Variants in ATXN7 observed in about 807,000 individuals in gnomAD.
ATXN7 encodes ataxin 7.
Under a neutral mutation model 70.5 loss-of-function variants are expected in ATXN7, and 12 were observed. The observed-to-expected ratio is 0.17, with a 90% CI of 0.11 to 0.28. The LOEUF (loss-of-function observed/expected upper bound fraction) is 0.28, where lower values mean the gene tolerates loss of function less well. ATXN7 is among the 10% of genes least tolerant of loss of function. The pLI, the probability that ATXN7 is intolerant of heterozygous loss-of-function variation, is 1.00. For synonymous variants in ATXN7, 498 were observed against 448.7 expected (o/e 1.11, Z -1.39); for missense variants, 1,256 against 1,131.7 (o/e 1.11, Z -1.58).
In ATXN7 at chr3:64,003,324, G is replaced by A. The variant is rs190922611; in HGVS notation, c.*3857G>A. The A allele has an allele frequency of 6.7e-6, 1 of 148,450 alleles. No homozygotes were observed. Among genetic ancestry groups the A allele is most frequent in the African/African-American group, 2.5e-5 (1 of 40,272 alleles). 9.2% of individuals were successfully genotyped at this position (148,450 alleles called of 1,614,324 possible). On this transcript the variant is annotated 3_prime_UTR_variant, in exon 13 of 13. Transcript: ENST00000674280. ...CAAGAGCATCTCAGCTGGACTTTGTGTTGGCTGCTGTATAGAACATGAACA... is the reference window on the plus strand; with the variant it reads ...CAAGAGCATCTCAGCTGGACTTTGTATTGGCTGCTGTATAGAACATGAACA...
At chr3:63,935,800 T>A (rs1331746702) in intron 4 of ATXN7, among the ~76,000 whole-genome samples, 9 of 151,946 alleles carry the variant, frequency 5.9e-5, no homozygotes. Context: ...CAGCAATGAG[T>A]TTGAGTGGTT....
chr3:63,896,274 C>G (rs982666624), intron 1 of ATXN7, among the ~76,000 whole-genome samples: 38 of 126,040 alleles, frequency 3.0e-4, no homozygotes, highest in African/African-American at 8.3e-4. Context: ...AACTGGCCAT[C>G]ATTTAAATAC....
Position 63,980,072 on chromosome 3 carries a change from C to G in ATXN7, c.657C>G (p.Ser219=). The G allele has an allele frequency of 1.2e-6, 2 of 1,614,146 alleles. No individual in the cohort carries two copies. Among genetic ancestry groups the G allele is most frequent in the Non-Finnish European group, 8.5e-7 (1 of 1,180,046 alleles). The part of the protein sequence containing the change: ...GGVLSASSSS[S]KLLKSPKEKL... The stretch of plus-strand genomic sequence containing the variant: ...TTCTTAGCGCATCCTCATCAAGTTC[C>G]AAGTTGTTGAAATCACCCAAAGAGA... Residue 219 remains serine, a synonymous_variant, in exon 6 of 13, where the codon TCC becomes TCG. Coordinates refer to ENST00000674280, the MANE Select transcript of ATXN7 (RefSeq NM_001377405.1).
chr3:63,878,092 TAGTAA>T lies in ATXN7; in HGVS notation c.-111+13935_-111+13939del, dbSNP rs763026082. Among the ~76,000 whole-genome samples the T allele has an allele frequency of 7.9e-5, 12 of 152,318 alleles. No homozygotes were observed. In the East Asian group the frequency reaches 1.9e-3, roughly 24 times the overall value. On this transcript the variant is annotated intron_variant, in intron 1 of 12. Coordinates refer to ENST00000674280, the MANE Select transcript of ATXN7 (RefSeq NM_001377405.1). ...GAAGGAAGGATGGCAGGCAGGTGGC[TAGTAA>T]TAGGAGATGGTTGGTTCTCTTCCTC...
chr3:63,977,114 G>A (rs953810902), intron 5 of ATXN7, among the ~76,000 whole-genome samples: 1 of 152,140 alleles, frequency 6.6e-6, no homozygotes, highest in African/African-American at 2.4e-5. Flanking sequence ...AGTTTGAGGG[G>A]TTGTGCATTT....
chr3:63,918,635 T>C (rs1318960198), intron 4 of ATXN7, among the ~76,000 whole-genome samples: 1 of 152,214 alleles, frequency 6.6e-6, no homozygotes, highest in African/African-American at 2.4e-5. Context: ...CTTCAACTTA[T>C]TTCCTGCAAA....
chr3:63,867,315 A>T (rs1031870064), intron 1 of ATXN7, among the ~76,000 whole-genome samples: 1 of 152,208 alleles, frequency 6.6e-6, no homozygotes, highest in African/African-American at 2.4e-5. Flanking sequence ...AATGGAAGTT[A>T]GAATTCTTTT....
At chr3:63,896,490 C>T (rs1409008568) in intron 1 of ATXN7, among the ~76,000 whole-genome samples, 1 of 152,088 alleles carries the variant, frequency 6.6e-6, no homozygotes, top group East Asian at 1.9e-4. Flanking sequence ...CACCAAAGGC[C>T]CGGATTCTAG....
At chr3:63,925,313 A>G (rs772798030) in intron 4 of ATXN7, among the ~76,000 whole-genome samples, 8 of 152,020 alleles carry the variant, frequency 5.3e-5, no homozygotes, top group Non-Finnish European at 8.8e-5. Flanking sequence ...GGGATCCCCA[A>G]CTTCTCGGCT....
chr3:63,912,646 G>C lies in ATXN7; in HGVS notation c.48G>C (p.Ala16=), dbSNP rs1340762710. 1.0e-5 allele frequency: 10 copies of C among 989,646 alleles called. No individual in the cohort carries two copies. In the South Asian group the frequency reaches 2.2e-4, roughly 22 times the overall value. 61.3% of individuals were successfully genotyped at this position (989,646 alleles called of 1,614,324 possible). ...ACGTCAGGGGGGAGCCGCGCCGCGCGGCGGCGGCGGCGGGCGGAGCAGCGG... is the reference window on the plus strand; with the variant it reads ...ACGTCAGGGGGGAGCCGCGCCGCGCCGCGGCGGCGGCGGGCGGAGCAGCGG... ...ADDVRGEPRR[A]AAAAGGAAAA... Residue 16 remains alanine, a synonymous_variant, in exon 3 of 13, where the codon GCG becomes GCC. Transcript: ENST00000674280.
chr3:63,884,202 C>T (rs1029123181), intron 1 of ATXN7, among the ~76,000 whole-genome samples: 17 of 38,222 alleles, frequency 4.4e-4, no homozygotes, highest in Admixed American at 2.0e-3. Flanking sequence ...AAATAACATG[C>T]GCACACACAC....
intron 4 of ATXN7, among the ~76,000 whole-genome samples, chr3:63,946,412 G>A (rs1376477477): frequency 6.6e-6 from 1 of 152,162 alleles, no homozygotes; most frequent in Non-Finnish European, 1.5e-5. Context: ...GGCTGAGGCA[G>A]GAGGATCACA....
chr3:63,921,357 G>C (rs1013779557), intron 4 of ATXN7, among the ~76,000 whole-genome samples: 1 of 152,128 alleles, frequency 6.6e-6, no homozygotes, highest in South Asian at 2.1e-4. Context: ...TGGTCCCCAG[G>C]CTTTATATTT....
At chr3:63,887,878 C>A (rs1415880260) in intron 1 of ATXN7, among the ~76,000 whole-genome samples, 1 of 147,572 alleles carries the variant, frequency 6.8e-6, no homozygotes, top group African/African-American at 2.5e-5. Flanking sequence ...CAGCCTCTGT[C>A]TTCTTTTTTT....
chr3:63,889,430 A>G (rs970003571), intron 1 of ATXN7, among the ~76,000 whole-genome samples: 3 of 152,216 alleles, frequency 2.0e-5, no homozygotes, highest in Admixed American at 1.3e-4. Flanking sequence ...ATGTCACAGA[A>G]TTGTGGAATG....
chr3:63,921,695 T>C (rs1040281892), intron 4 of ATXN7, among the ~76,000 whole-genome samples: 5 of 152,220 alleles, frequency 3.3e-5, no homozygotes, highest in African/African-American at 1.2e-4. Flanking sequence ...ACCCCAGTTC[T>C]AGAATTAAGC....
chr3:63,937,274 AGTTTCTGTTG>A (rs1326606126), intron 4 of ATXN7, among the ~76,000 whole-genome samples: 39 of 152,316 alleles, frequency 2.6e-4, no homozygotes, highest in African/African-American at 9.1e-4. Context: ...GGAAAAGAAT[AGTTTCTGTTG>A]GTTTCCATTT....
chr3:63,939,502 C>G lies in ATXN7; in HGVS notation c.395-12877C>G, dbSNP rs552318936. Among the ~76,000 whole-genome samples, 122 of 152,194 alleles carry G rather than the reference C, an allele frequency of 8.0e-4. 1 individual carries two copies. Among genetic ancestry groups the G allele is most frequent in the African/African-American group, 2.8e-3 (115 of 41,512 alleles). ...GATGATATTATCCTTCATTAAAATGCTTCTATTAAGCACTAACGAATGTCA... is the reference window on the plus strand; with the variant it reads ...GATGATATTATCCTTCATTAAAATGGTTCTATTAAGCACTAACGAATGTCA... On this transcript the variant is annotated intron_variant, in intron 4 of 12. Transcript: ENST00000674280.
intron 5 of ATXN7, among the ~76,000 whole-genome samples, chr3:63,970,329 T>TA (rs2106720749): frequency 6.6e-6 from 1 of 152,146 alleles, no homozygotes; most frequent in Admixed American, 6.5e-5. Context: ...TGCAGGAGCA[T>TA]AAAAAGGGCG....
Sources: gnomAD v4.1 joint callset for allele counts (sites outside exome capture counted in the v4.1 genomes callset) on GRCh38, gnomAD v4.1.1 for gene constraint, MANE v1.5 for transcripts, NCBI Gene and HGNC (gene_info 2026-07-23, HGNC 2026-07-21) for gene names.